Variants in BCAS3 observed in about 807,000 individuals in gnomAD.
The protein encoded by BCAS3 is BCAS4/BCAS3 fusion.
In BCAS3, 53 loss-of-function variants were observed where a neutral mutation model predicts 116.1. The ratio of observed to expected loss-of-function variants is 0.46; its 90% confidence interval spans 0.37 to 0.57. BCAS3 has a LOEUF of 0.57. Among genes scored for constraint, BCAS3 ranks in the 20% least tolerant of loss-of-function variants. The pLI, the probability that BCAS3 is intolerant of heterozygous loss-of-function variation, is 0.00. For synonymous variants in BCAS3, 391 were observed against 408.2 expected (o/e 0.96, Z 0.51); for missense variants, 917 against 1,165.4 (o/e 0.79, Z 3.10).
At chr17:60,917,794 T>C (rs2058852318) in intron 12 of BCAS3, among the ~76,000 whole-genome samples, 2 of 152,188 alleles carry the variant, frequency 1.3e-5, no homozygotes, top group South Asian at 4.1e-4. Flanking sequence ...GGTTTCGCTA[T>C]GTTGGCTAGG....
chr17:60,802,644 C>T (rs1417380940), intron 6 of BCAS3, among the ~76,000 whole-genome samples: 1 of 151,978 alleles, frequency 6.6e-6, no homozygotes, highest in Non-Finnish European at 1.5e-5. Flanking sequence ...ATCTGCTTGT[C>T]GACTTTGTTT....
intron 14 of BCAS3, among the ~76,000 whole-genome samples, chr17:60,971,531 A>G (rs1291447366): frequency 6.6e-6 from 1 of 152,100 alleles, no homozygotes; most frequent in African/African-American, 2.4e-5. Flanking sequence ...CCTTATTTCA[A>G]TCAGCCTTCC....
Position 60,990,043 on chromosome 17 carries a change from T to A in BCAS3, c.1294T>A (p.Phe432Ile). 6.2e-7 allele frequency: 1 copy of A among 1,614,188 alleles called. No individual in the cohort carries two copies. Among genetic ancestry groups the A allele is most frequent in the South Asian group, 1.1e-5 (1 of 91,076 alleles). ...VSTLRGTSHV[F>I]PINPYGGQPC... is the part of the protein sequence containing the mutation. ...TACTCTCCGGGGTACTTCCCACGTT[T>A]TCCCCATCAACCCTTATGGTGGCCA... The change falls in exon 15 of 24, where the codon TTC (phenylalanine) becomes ATC (isoleucine). Residue 432 changes from phenylalanine to isoleucine, a missense_variant. By Grantham distance (21) the Phe-to-Ile change is conservative (BLOSUM62 0). Around this residue, in one of 3 missense-constraint regions of BCAS3, gnomAD observed 807 missense variants for 1,026.0 expected, o/e 0.79. Coordinates refer to ENST00000407086, the MANE Select transcript of BCAS3 (RefSeq NM_017679.5). This position sits in a 1 kb window ranked among gnomAD's most constrained non-coding sequence, Gnocchi z 5.1.
At chr17:61,111,839 A>C (rs2075116382) in intron 22 of BCAS3, among the ~76,000 whole-genome samples, 1 of 111,090 alleles carries the variant, frequency 9.0e-6, no homozygotes, top group African/African-American at 3.3e-5. Flanking sequence ...CCAGAGAGAA[A>C]GGTCAGGTTA....
rs1473176034 is a variant in BCAS3 at position 61,361,271 on chromosome 17, G to C, written c.2426-7056G>C. 1.3e-5 allele frequency among the ~76,000 whole-genome samples: 2 copies of C among 151,896 alleles called. No homozygotes were observed. Among genetic ancestry groups the C allele is most frequent in the African/African-American group, 2.4e-5 (1 of 41,378 alleles). ...CAGAAAAGTTAATGGGAGAATTCCA[G>C]TTATGACTCAGATGTAATCTATGTT... is the stretch of plus-strand genomic sequence containing the variant. On this transcript the variant is annotated intron_variant, in intron 22 of 23. Coordinates refer to ENST00000407086, the MANE Select transcript of BCAS3 (RefSeq NM_017679.5). This position sits in a 1 kb window ranked among gnomAD's most constrained non-coding sequence, Gnocchi z 6.5.
chr17:60,956,414 C>A lies in BCAS3; in HGVS notation c.1221+9062C>A, dbSNP rs931971492. ...GCTGCTGGGCACATTTTATTTCTTA[C>A]CTCTTTTTCAAATCCCATCCCATCT... On this transcript the variant is annotated intron_variant, in intron 14 of 23. Transcript: ENST00000407086. This position sits in a 1 kb window ranked among gnomAD's most constrained non-coding sequence, Gnocchi z 4.2. 1.3e-5 allele frequency among the ~76,000 whole-genome samples: 2 copies of A among 152,152 alleles called. No homozygotes were observed.
In BCAS3 at chr17:61,352,282, A is replaced by T. The variant is rs142277123; in HGVS notation, c.2426-16045A>T. Among the ~76,000 whole-genome samples the T allele has an allele frequency of 3.8e-3, 580 of 152,332 alleles. 3 individuals carry two copies. Among genetic ancestry groups the T allele is most frequent in the African/African-American group, 0.013 (549 of 41,574 alleles). ...TTTTCCCTACTCATGGATGAATCCA[A>T]TCTTCTAATCCAGTATGTACCTTAG... On this transcript the variant is annotated intron_variant, in intron 22 of 23. Transcript: ENST00000407086. The surrounding 1 kb of genome is among the most constrained non-coding windows in gnomAD (Gnocchi z 4.7).
rs538930192 is a variant in BCAS3 at position 61,204,246 on chromosome 17, G to T, written c.2425+119682G>T. Among the ~76,000 whole-genome samples, 16 of 152,158 alleles carry T rather than the reference G, an allele frequency of 1.1e-4. No individual in the cohort carries two copies. In the South Asian group the frequency reaches 3.1e-3, roughly 30 times the overall value. ...GTCAACACTTTTCTCAAGTTTATTT[G>T]TGCTAAACCAAATTCTCCTACAAGG... On this transcript the variant is annotated intron_variant, in intron 22 of 23. Transcript: ENST00000407086. This position sits in a 1 kb window ranked among gnomAD's most constrained non-coding sequence, Gnocchi z 4.2.
In BCAS3 at chr17:61,325,756, T is replaced by A. The variant is rs2055677361; in HGVS notation, c.2426-42571T>A. Among the ~76,000 whole-genome samples the A allele has an allele frequency of 6.6e-6, 1 of 152,062 alleles. No homozygotes were observed. Among genetic ancestry groups the A allele is most frequent in the African/African-American group, 2.4e-5 (1 of 41,404 alleles). ...TGGGCCAACTCCACAAAGCAGGGGC[T>A]TTTTTAGGGAGGTGTTTTTGAAATG... On this transcript the variant is annotated intron_variant, in intron 22 of 23. Coordinates refer to ENST00000407086, the MANE Select transcript of BCAS3 (RefSeq NM_017679.5). This position sits in a 1 kb window ranked among gnomAD's most constrained non-coding sequence, Gnocchi z 6.4.
At chr17:61,179,677 G>A (rs1279494277) in intron 22 of BCAS3, among the ~76,000 whole-genome samples, 1 of 152,128 alleles carries the variant, frequency 6.6e-6, no homozygotes, top group Non-Finnish European at 1.5e-5. Flanking sequence ...GGGCTTTATG[G>A]TGGTATTAGT....
rs1260134207 is a variant in BCAS3, at chr17:61,087,761, A to C, written c.2425+3197A>C. Among the ~76,000 whole-genome samples the C allele has an allele frequency of 6.6e-6, 1 of 152,184 alleles. No individual in the cohort carries two copies. Among genetic ancestry groups the C allele is most frequent in the Non-Finnish European group, 1.5e-5 (1 of 68,036 alleles). ...ATTCTATGCCTTTAGACACCTATGA[A>C]CTAGATTCTTACTGTCTCTCTGTAA... is the stretch of plus-strand genomic sequence containing the variant. On this transcript the variant is annotated intron_variant, in intron 22 of 23. Coordinates refer to ENST00000407086, the MANE Select transcript of BCAS3 (RefSeq NM_017679.5). The surrounding 1 kb of genome is among the most constrained non-coding windows in gnomAD (Gnocchi z 4.6).
At chr17:60,908,485 T>G (rs551207409) in intron 11 of BCAS3, among the ~76,000 whole-genome samples, 24 of 152,310 alleles carry the variant, frequency 1.6e-4, no homozygotes, top group Admixed American at 6.5e-4. Flanking sequence ...TTAGCATTAA[T>G]GGAGTGAGTA....
intron 23 of BCAS3, among the ~76,000 whole-genome samples, chr17:61,370,750 C>T (rs1437693650): frequency 6.6e-6 from 1 of 152,208 alleles, no homozygotes; most frequent in African/African-American, 2.4e-5. Flanking sequence ...ACCCAGTTTC[C>T]ATGGCTGAGA....
At chr17:60,936,234 A>G (rs2059919093) in intron 13 of BCAS3, among the ~76,000 whole-genome samples, 1 of 149,816 alleles carries the variant, frequency 6.7e-6, no homozygotes, top group Non-Finnish European at 1.5e-5. Context: ...TATATGTGCC[A>G]CATTTTCTTA....
intron 22 of BCAS3, among the ~76,000 whole-genome samples, chr17:61,264,279 TAAAAG>T (rs908931980): frequency 2.0e-5 from 3 of 152,072 alleles, no homozygotes; most frequent in African/African-American, 7.2e-5. Context: ...GACTTGTGTA[TAAAAG>T]AAGACTCATT....
At position 61,122,039 on chromosome 17, in the gene BCAS3, A is replaced by G; in HGVS notation, c.2425+37475A>G. The stretch of plus-strand genomic sequence containing the variant: ...CACTGTGCCCGGCCAAAAACATATG[A>G]TTTTTACAAAAGAAAATTTAAGAGA... On this transcript the variant is annotated intron_variant, in intron 22 of 23. Coordinates refer to ENST00000407086, the MANE Select transcript of BCAS3 (RefSeq NM_017679.5). The surrounding 1 kb of genome is among the most constrained non-coding windows in gnomAD (Gnocchi z 4.6). 6.6e-6 allele frequency among the ~76,000 whole-genome samples: 1 copy of G among 152,172 alleles called. No homozygotes were observed. The highest frequency in any genetic ancestry group is 1.5e-5 in the Non-Finnish European group (1 of 68,030).
chr17:60,758,391 A>G (rs2144334802), intron 6 of BCAS3, among the ~76,000 whole-genome samples: 1 of 151,942 alleles, frequency 6.6e-6, no homozygotes, highest in Non-Finnish European at 1.5e-5. Context: ...TATTTTATTT[A>G]GTTTGCCCTG....
At chr17:61,275,755 G>A (rs776904749) in intron 22 of BCAS3, among the ~76,000 whole-genome samples, 2 of 152,304 alleles carry the variant, frequency 1.3e-5, no homozygotes, top group South Asian at 2.1e-4. Context: ...AGGCTGGCCA[G>A]CACATCAGTG....
rs375054743 is a variant in BCAS3 at position 61,376,454 on chromosome 17, A to C, written c.2593+7960A>C. On this transcript the variant is annotated intron_variant, in intron 23 of 23. Coordinates refer to ENST00000407086, the MANE Select transcript of BCAS3 (RefSeq NM_017679.5). The surrounding 1 kb of genome is among the most constrained non-coding windows in gnomAD (Gnocchi z 4.5). Reference sequence around the variant, plus strand: ...TTCCTACAGCCACTCTATCAGGCAAACTGGTATTTACCCCAGATACCCAGG... The same window carrying C: ...TTCCTACAGCCACTCTATCAGGCAACCTGGTATTTACCCCAGATACCCAGG... Among the ~76,000 whole-genome samples the C allele has an allele frequency of 7.0e-4, 106 of 152,284 alleles. No homozygotes were observed. Among genetic ancestry groups the C allele is most frequent in the African/African-American group, 2.5e-3 (103 of 41,542 alleles).
Sources: gnomAD v4.1 joint callset for allele counts (sites outside exome capture counted in the v4.1 genomes callset) on GRCh38, gnomAD v4.1.1 for gene constraint, gnomAD v4.1.1 regional missense constraint, Gnocchi (gnomAD v3.1) non-coding constraint, MANE v1.5 for transcripts, NCBI Gene and HGNC (gene_info 2026-07-23, HGNC 2026-07-21) for gene names.